Variants in NECAB1 observed in about 807,000 individuals in gnomAD.
The protein encoded by NECAB1 is N-terminal EF-hand calcium-binding protein 1.
Under a neutral mutation model 57.5 loss-of-function variants are expected in NECAB1, and 29 were observed. The observed-to-expected ratio is 0.50, with a 90% CI of 0.38 to 0.69. The LOEUF is 0.69. NECAB1 is among the 30% of genes least tolerant of loss of function. The probability of loss-of-function intolerance (pLI) is 0.00; values close to 1 mark genes in which losing one functional copy is unlikely to be tolerated. For synonymous variants in NECAB1, 142 were observed against 147.7 expected (o/e 0.96, Z 0.28); for missense variants, 372 against 413.8 (o/e 0.90, Z 0.88).
At chr8:90,798,055 A>C (rs938977620) in intron 1 of NECAB1, among the ~76,000 whole-genome samples, 14 of 152,192 alleles carry the variant, frequency 9.2e-5, no homozygotes, top group Non-Finnish European at 1.9e-4. Context: ...CAGAGGGGGA[A>C]CTGTATCATA....
chr8:90,816,543 G>A (rs1247982712), intron 2 of NECAB1, among the ~76,000 whole-genome samples: 2 of 151,682 alleles, frequency 1.3e-5, no homozygotes, highest in Non-Finnish European at 3.0e-5. Context: ...TTTCATACAT[G>A]GATATCCAGT....
chr8:90,798,966 G>GT (rs377126869), intron 1 of NECAB1, among the ~76,000 whole-genome samples: 13 of 151,544 alleles, frequency 8.6e-5, no homozygotes, highest in South Asian at 4.2e-4. Flanking sequence ...ATGTGGTTGT[G>GT]TTTTTTTTGA....
intron 5 of NECAB1, among the ~76,000 whole-genome samples, chr8:90,886,280 A>T (rs962709127): frequency 2.0e-5 from 3 of 151,970 alleles, no homozygotes; most frequent in African/African-American, 7.2e-5. Flanking sequence ...TTCCAATAGG[A>T]GTCCTACTGA....
chr8:90,809,629 T>A (rs1811916948), intron 2 of NECAB1, among the ~76,000 whole-genome samples: 1 of 152,228 alleles, frequency 6.6e-6, no homozygotes, highest in Non-Finnish European at 1.5e-5. Context: ...GTTTCTGACT[T>A]CAGTAACTAG....
intron 5 of NECAB1, among the ~76,000 whole-genome samples, chr8:90,887,249 AT>A (rs975685795): frequency 5.3e-4 from 81 of 151,904 alleles, no homozygotes; most frequent in Middle Eastern, 6.8e-3. Context: ...ATCTTCTCCC[AT>A]TTTTTTTATC....
chr8:90,923,183 A>G (rs1453399339), intron 6 of NECAB1, among the ~76,000 whole-genome samples: 1 of 152,196 alleles, frequency 6.6e-6, no homozygotes, highest in East Asian at 1.9e-4. Context: ...AGCTCCACCC[A>G]GTGCTATATA....
At chr8:90,805,192 TA>T (rs1466827347) in intron 2 of NECAB1, among the ~76,000 whole-genome samples, 1 of 152,234 alleles carries the variant, frequency 6.6e-6, no homozygotes, top group Non-Finnish European at 1.5e-5. Flanking sequence ...CATATAAAAG[TA>T]AGCATCCTTC....
chr8:90,951,147 A>T lies in NECAB1; in HGVS notation c.973A>T (p.Arg325Ter). The T allele has an allele frequency of 6.2e-7, 1 of 1,602,062 alleles. No homozygotes were observed. The highest frequency in any genetic ancestry group is 8.5e-7 in the Non-Finnish European group (1 of 1,174,008). ...LQTNYSKTFQ[R>*]SNVDFLETPE... Reference sequence around the variant, plus strand: ...GACAAATTATAGCAAGACATTCCAAAGAAGTAATGTGGATTTCTTGGAAAC... The same window carrying T: ...GACAAATTATAGCAAGACATTCCAATGAAGTAATGTGGATTTCTTGGAAAC... Residue 325 changes from arginine (R) to a stop codon, truncating the protein, a stop_gained, in exon 12 of 13, where the codon AGA becomes TGA. Coordinates refer to ENST00000417640, the MANE Select transcript of NECAB1 (RefSeq NM_022351.5). LOFTEE classifies it high-confidence loss of function.
intron 1 of NECAB1, among the ~76,000 whole-genome samples, chr8:90,796,218 G>A (rs903056144): frequency 6.6e-5 from 10 of 152,126 alleles, no homozygotes; most frequent in African/African-American, 2.2e-4. Flanking sequence ...ACCCACCCTG[G>A]TAATGGGAGA....
chr8:90,958,957 T>G lies in NECAB1; in HGVS notation c.*3445T>G, dbSNP rs1169722555. ...GTCCATTACAGTTATTGTTGCTAGA[T>G]CCACCTCATTTGCAGATGTCCAAAC... On this transcript the variant is annotated 3_prime_UTR_variant, in exon 13 of 13. Coordinates refer to ENST00000417640, the MANE Select transcript of NECAB1 (RefSeq NM_022351.5). 8.3e-7 allele frequency: 1 copy of G among 1,202,304 alleles called. No individual in the cohort carries two copies. Among genetic ancestry groups the G allele is most frequent in the African/African-American group, 1.6e-5 (1 of 64,252 alleles). The allele number at this position is 1,202,304 out of a possible 1,614,324, so 74.5% of individuals were successfully genotyped here.
Position 90,959,194 on chromosome 8 carries a change from CTCA to C in NECAB1, c.*3684_*3686del. The C allele has an allele frequency of 2.5e-6, 1 of 393,782 alleles. No individual in the cohort carries two copies. The highest frequency in any genetic ancestry group is 4.5e-6 in the Non-Finnish European group (1 of 221,962). The allele number at this position is 393,782 out of a possible 1,614,324, so 24.4% of individuals were successfully genotyped here. The stretch of plus-strand genomic sequence containing the variant: ...CTAGAACTGTCAAATAACAAAACGG[CTCA>C]TGTTTTTAAAATATATGTAACTCAT... On this transcript the variant is annotated 3_prime_UTR_variant, in exon 13 of 13. Transcript: ENST00000417640.
intron 5 of NECAB1, among the ~76,000 whole-genome samples, chr8:90,883,176 T>G (rs915863897): frequency 6.6e-6 from 1 of 152,138 alleles, no homozygotes; most frequent in African/African-American, 2.4e-5. Flanking sequence ...TTCTTGGCAC[T>G]GACCCTTAAA....
At chr8:90,893,338 CTT>C (rs1418684936) in intron 5 of NECAB1, among the ~76,000 whole-genome samples, 1 of 152,184 alleles carries the variant, frequency 6.6e-6, no homozygotes, top group Non-Finnish European at 1.5e-5. Context: ...TCCCAACTGT[CTT>C]GAAGTGTCTT....
intron 3 of NECAB1, among the ~76,000 whole-genome samples, chr8:90,851,498 T>C (rs1023790715): frequency 2.0e-5 from 3 of 152,154 alleles, no homozygotes; most frequent in Non-Finnish European, 2.9e-5. Context: ...ACTCAATTGA[T>C]ATCCAGACTG....
intron 2 of NECAB1, among the ~76,000 whole-genome samples, chr8:90,804,165 A>T (rs1174864923): frequency 2.0e-5 from 3 of 152,246 alleles, no homozygotes; most frequent in Non-Finnish European, 4.4e-5. Flanking sequence ...TTAAGAAGAA[A>T]ATACAGTATA....
chr8:90,852,633 G>A (rs1812706578), intron 3 of NECAB1, among the ~76,000 whole-genome samples: 1 of 152,196 alleles, frequency 6.6e-6, no homozygotes. Context: ...CAGCAGAGAG[G>A]AGAAGCGGTG....
intron 5 of NECAB1, among the ~76,000 whole-genome samples, chr8:90,896,952 C>T (rs1322556752): frequency 2.0e-5 from 3 of 152,156 alleles, no homozygotes; most frequent in East Asian, 3.9e-4. Flanking sequence ...AATAGGGGAA[C>T]GACACAGCAG....
chr8:90,902,172 C>T (rs1027395573), intron 5 of NECAB1, among the ~76,000 whole-genome samples: 3 of 152,160 alleles, frequency 2.0e-5, no homozygotes, highest in Admixed American at 1.3e-4. Flanking sequence ...GTAATCCCAG[C>T]ACTTTGGGAG....
rs775605225 is a variant in NECAB1, at chr8:90,872,146, G to A, written c.252G>A (p.Glu84=). ...TTTTCAGTAATCTTGACACAGAAGA[G>A]CTATGTGGTAAGTGTTTCTTTAAGA... ...THNTNNLDTE[E]LCEYFSQHLG... The change falls in exon 4 of 13, where the codon GAG becomes GAA. Residue 84 remains glutamate, a synonymous_variant. Coordinates refer to ENST00000417640, the MANE Select transcript of NECAB1 (RefSeq NM_022351.5). 59 of 1,547,980 alleles carry A rather than the reference G, an allele frequency of 3.8e-5. No homozygotes were observed. The highest frequency in any genetic ancestry group is 5.1e-5 in the Non-Finnish European group (58 of 1,144,648).
Sources: gnomAD v4.1 joint callset for allele counts (sites outside exome capture counted in the v4.1 genomes callset) on GRCh38, gnomAD v4.1.1 for gene constraint, MANE v1.5 for transcripts, NCBI Gene and HGNC (gene_info 2026-07-23, HGNC 2026-07-21) for gene names.